RAD51B: variants seen among roughly 807,000 people sequenced by gnomAD.
The protein encoded by RAD51B is DNA repair protein RAD51 homolog 2.
A neutral mutation model predicts 42.2 loss-of-function variants in RAD51B; 38 were observed. The ratio of observed to expected loss-of-function variants is 0.90; its 90% CI spans 0.70 to 1.18. The LOEUF is 1.18. Ranked by LOEUF, RAD51B falls within the 50% of genes most tolerant of loss-of-function variation. The pLI is 0.00. For synonymous variants in RAD51B, 154 were observed against 145.2 expected (o/e 1.06, Z -0.43); for missense variants, 373 against 400.7 (o/e 0.93, Z 0.59).
At chr14:68,366,653 GGT>G (rs1383129461) in intron 8 of RAD51B, among the ~76,000 whole-genome samples, 1 of 152,162 alleles carries the variant, frequency 6.6e-6, no homozygotes. Flanking sequence ...AATCCAAAAT[GGT>G]AACCAAAAAT....
chr14:68,360,586 G>A (rs888374025), intron 8 of RAD51B, among the ~76,000 whole-genome samples: 3 of 152,262 alleles, frequency 2.0e-5, no homozygotes, highest in Non-Finnish European at 2.9e-5. Context: ...ACTCTACATC[G>A]TATATGATAT....
At chr14:67,898,885 T>C (rs531035832) in intron 7 of RAD51B, among the ~76,000 whole-genome samples, 1 of 152,342 alleles carries the variant, frequency 6.6e-6, no homozygotes, top group South Asian at 2.1e-4. Flanking sequence ...AAGGTTTTAT[T>C]ATCTTCCAAT....
intron 8 of RAD51B, among the ~76,000 whole-genome samples, chr14:68,340,909 C>T (rs186269075): frequency 2.0e-5 from 3 of 152,374 alleles, no homozygotes; most frequent in Admixed American, 6.5e-5. Context: ...GATGTTTTCA[C>T]TTGTCCCATT....
Position 68,222,178 on chromosome 14 carries a change from C to G in RAD51B, c.757-69706C>G, listed in dbSNP as rs1362070738. Among the ~76,000 whole-genome samples, 5 of 152,172 alleles carry G rather than the reference C, an allele frequency of 3.3e-5. No individual in the cohort carries two copies. The South Asian group carries it at 1.0e-3, about 32-fold the overall frequency. The stretch of plus-strand genomic sequence containing the variant: ...TAGATCTACCATTTGATCCAGCCAT[C>G]CCACTACTAGGAAAAGAAGTCATTA... On this transcript the variant is annotated intron_variant, in intron 7 of 10. Coordinates refer to ENST00000471583, the MANE Select transcript of RAD51B (RefSeq NM_133510.4).
At chr14:68,021,514 T>G (rs981111920) in intron 7 of RAD51B, among the ~76,000 whole-genome samples, 2 of 152,076 alleles carry the variant, frequency 1.3e-5, no homozygotes, top group African/African-American at 4.8e-5. Context: ...TCACCTACTA[T>G]AAAATACTCT....
chr14:68,564,287 C>T (rs951231227), intron 10 of RAD51B, among the ~76,000 whole-genome samples: 8 of 152,368 alleles, frequency 5.3e-5, no homozygotes, highest in South Asian at 2.1e-4. Flanking sequence ...TTATTTCCCT[C>T]GTCAACAGTC....
chr14:68,044,380 G>A lies in RAD51B; in HGVS notation c.756+157176G>A, dbSNP rs568978540. On this transcript the variant is annotated intron_variant, in intron 7 of 10. Coordinates refer to ENST00000471583, the MANE Select transcript of RAD51B (RefSeq NM_133510.4). ...GAATAAGTTATAAGAGTATCACTGGGCCAGTGTTGATGATTTTCTTTTCTC... is the reference window on the plus strand; with the variant it reads ...GAATAAGTTATAAGAGTATCACTGGACCAGTGTTGATGATTTTCTTTTCTC... 7.2e-5 allele frequency among the ~76,000 whole-genome samples: 11 copies of A among 152,210 alleles called. No homozygotes were observed. In the South Asian group the frequency reaches 2.1e-3, roughly 29 times the overall value.
chr14:68,433,798 G>A lies in RAD51B; in HGVS notation c.957+22271G>A, dbSNP rs150600110. Among the ~76,000 whole-genome samples, 1,266 of 152,336 alleles carry A rather than the reference G, an allele frequency of 8.3e-3. 25 individuals are homozygous for A. The highest frequency in any genetic ancestry group is 0.029 in the African/African-American group (1,212 of 41,572). ...TGTTCCATTGCTGGCGAGGAGCTGC[G>A]TTCCTTTGGAGGGGGAGAGGCACTC... On this transcript the variant is annotated intron_variant, in intron 9 of 10. Coordinates refer to ENST00000471583, the MANE Select transcript of RAD51B (RefSeq NM_133510.4).
downstream of RAD51B, among the ~76,000 whole-genome samples, chr14:68,614,472 A>G (rs368371207): frequency 8.1e-4 from 123 of 152,320 alleles, 1 homozygote; most frequent in Middle Eastern, 3.4e-3. Context: ...GAATATTTTC[A>G]TCACCCCCAA....
At chr14:68,573,531 C>A (rs762030382) in intron 10 of RAD51B, among the ~76,000 whole-genome samples, 89 of 152,316 alleles carry the variant, frequency 5.8e-4, no homozygotes, top group Non-Finnish European at 1.1e-3. Flanking sequence ...GTCTTCCTAT[C>A]CCCCTTACCT....
At chr14:68,575,510 T>C (rs1305750309) in intron 10 of RAD51B, among the ~76,000 whole-genome samples, 2 of 152,160 alleles carry the variant, frequency 1.3e-5, no homozygotes, top group Non-Finnish European at 2.9e-5. Flanking sequence ...TAGGCCCCAT[T>C]TGAAAAATTG....
chr14:67,882,715 C>A (rs948101802), intron 5 of RAD51B, among the ~76,000 whole-genome samples: 2 of 151,996 alleles, frequency 1.3e-5, no homozygotes, highest in Non-Finnish European at 2.9e-5. Flanking sequence ...TGATTCCATT[C>A]TTCTAGACAC....
rs79049853 is a variant in RAD51B, at chr14:67,942,096, A to C, written c.756+54892A>C. On this transcript the variant is annotated intron_variant, in intron 7 of 10. Coordinates refer to ENST00000471583, the MANE Select transcript of RAD51B (RefSeq NM_133510.4). Reference sequence around the variant, plus strand: ...TAGTTGGACCTGCTGGTTATAATTCATAGAGAATTTTCAAGTGTGTTTAAT... The same window carrying C: ...TAGTTGGACCTGCTGGTTATAATTCCTAGAGAATTTTCAAGTGTGTTTAAT... Among the ~76,000 whole-genome samples, 943 of 152,332 alleles carry C rather than the reference A, an allele frequency of 6.2e-3. 59 individuals are homozygous for C. The East Asian group carries it at 0.14, about 23-fold the overall frequency.
At chr14:68,389,252 G>A (rs1276651957) in intron 8 of RAD51B, among the ~76,000 whole-genome samples, 1 of 152,134 alleles carries the variant, frequency 6.6e-6, no homozygotes, top group African/African-American at 2.4e-5. Context: ...GCCCATGGAA[G>A]CTCCTCCTTC....
chr14:68,338,354 T>C (rs2082500073), intron 8 of RAD51B, among the ~76,000 whole-genome samples: 2 of 152,202 alleles, frequency 1.3e-5, no homozygotes, highest in Admixed American at 1.3e-4. Context: ...TACATCTGCT[T>C]TCTTTCTTTT....
At chr14:68,260,499 A>ATTATTATGG (rs1443574171) in intron 7 of RAD51B, among the ~76,000 whole-genome samples, 2 of 152,142 alleles carry the variant, frequency 1.3e-5, no homozygotes, top group African/African-American at 4.8e-5. Context: ...GGAAAGCTGT[A>ATTATTATGG]TTATTATGGT....
intron 7 of RAD51B, among the ~76,000 whole-genome samples, chr14:68,083,720 G>A (rs1400693845): frequency 6.6e-6 from 1 of 152,142 alleles, no homozygotes; most frequent in Non-Finnish European, 1.5e-5. Context: ...TGCCATTCAT[G>A]CAAGTAAATC....
chr14:67,892,528 T>A (rs2043251360), intron 7 of RAD51B, among the ~76,000 whole-genome samples: 1 of 152,208 alleles, frequency 6.6e-6, no homozygotes, highest in African/African-American at 2.4e-5. Flanking sequence ...TATCCAGCCA[T>A]TCCCAAAAAA....
chr14:68,544,588 C>T (rs1237572695), intron 10 of RAD51B, among the ~76,000 whole-genome samples: 1 of 151,992 alleles, frequency 6.6e-6, no homozygotes, highest in Middle Eastern at 3.2e-3. Flanking sequence ...TGAAATGGCC[C>T]CTAAAGAGAT....
Sources: allele counts gnomAD v4.1 joint callset (sites outside exome capture counted in the v4.1 genomes callset), GRCh38; gene constraint gnomAD v4.1.1; transcripts MANE v1.5; gene names NCBI Gene and HGNC (gene_info 2026-07-23, HGNC 2026-07-21).